OTUD7A: variants seen among roughly 807,000 people sequenced by gnomAD.
OTUD7A encodes OTU deubiquitinase 7A.
In OTUD7A, 12 loss-of-function variants were observed where a neutral mutation model predicts 65.7. The observed-to-expected ratio is 0.18, with a 90% CI of 0.12 to 0.30. OTUD7A has a LOEUF of 0.30. OTUD7A is among the 10% of genes least tolerant of loss of function. The pLI, the probability that OTUD7A is intolerant of heterozygous loss-of-function variation, is 1.00. For missense variants in OTUD7A, 1,148 were observed against 1,304.8 expected, an observed-to-expected ratio of 0.88 and a Z score of 1.85; for synonymous variants, 641 against 586.3, an observed-to-expected ratio of 1.09 and a Z score of -1.35.
At chr15:31,827,374 G>A (rs1424755456) in intron 1 of OTUD7A, among the ~76,000 whole-genome samples, 7 of 152,180 alleles carry the variant, frequency 4.6e-5, no homozygotes, top group African/African-American at 7.2e-5. Flanking sequence ...TTTGTGAGAC[G>A]TATTCACTAC....
chr15:31,563,478 G>A (rs535747510), intron 4 of OTUD7A, among the ~76,000 whole-genome samples: 328 of 152,340 alleles, frequency 2.2e-3, no homozygotes, highest in Middle Eastern at 3.4e-3. Flanking sequence ...AATCCTCAGG[G>A]GCAGGAGGTG....
chr15:31,826,158 G>T (rs575949908), intron 1 of OTUD7A, among the ~76,000 whole-genome samples: 1 of 152,352 alleles, frequency 6.6e-6, no homozygotes, highest in South Asian at 2.1e-4. Context: ...TCTGTGTGGG[G>T]CTCCGACCCC....
At chr15:31,611,547 A>G (rs1370870834) in intron 3 of OTUD7A, among the ~76,000 whole-genome samples, 1 of 152,214 alleles carries the variant, frequency 6.6e-6, no homozygotes, top group African/African-American at 2.4e-5. Context: ...CTCACATACT[A>G]GAAAACATAG....
At chr15:31,842,109 CATA>C (rs142013769) in intron 1 of OTUD7A, among the ~76,000 whole-genome samples, 2,061 of 152,338 alleles carry the variant, frequency 0.014, 43 homozygotes, top group African/African-American at 0.047. Context: ...ATCTCACACA[CATA>C]ATATTGAGTG....
At chr15:31,849,380 T>TAC (rs1232444953) in intron 1 of OTUD7A, among the ~76,000 whole-genome samples, 1 of 152,232 alleles carries the variant, frequency 6.6e-6, no homozygotes, top group African/African-American at 2.4e-5. Context: ...ATACCTTCCT[T>TAC]ACACCTTGTA....
chr15:31,858,971 G>T (rs963284709), intron 1 of OTUD7A, among the ~76,000 whole-genome samples: 1 of 152,206 alleles, frequency 6.6e-6, no homozygotes, highest in South Asian at 2.1e-4. Context: ...CTCCTCAACT[G>T]TAGAATGGGA....
intron 3 of OTUD7A, among the ~76,000 whole-genome samples, chr15:31,628,005 T>C (rs1891015809): frequency 6.6e-6 from 1 of 152,210 alleles, no homozygotes; most frequent in African/African-American, 2.4e-5. Context: ...CTTTGTCAGA[T>C]GAGTAGGTTG....
intron 3 of OTUD7A, among the ~76,000 whole-genome samples, chr15:31,591,716 C>T (rs1386278481): frequency 6.6e-6 from 1 of 152,234 alleles, no homozygotes; most frequent in Non-Finnish European, 1.5e-5. Context: ...TACATGCACA[C>T]TCACACACAA....
At chr15:31,486,892 C>CA (rs1355560575) in intron 12 of OTUD7A, among the ~76,000 whole-genome samples, 2 of 152,144 alleles carry the variant, frequency 1.3e-5, no homozygotes, top group Admixed American at 6.5e-5. Context: ...AATAGGGGGA[C>CA]AAAAAATCCC....
intron 1 of OTUD7A, among the ~76,000 whole-genome samples, chr15:31,783,493 T>C (rs1462338823): frequency 6.6e-6 from 1 of 152,218 alleles, no homozygotes; most frequent in Admixed American, 6.5e-5. Flanking sequence ...CTTCATATTC[T>C]TCACCATCAA....
At chr15:31,797,193 G>A (rs973411535) in intron 1 of OTUD7A, among the ~76,000 whole-genome samples, 8 of 152,270 alleles carry the variant, frequency 5.3e-5, no homozygotes, top group South Asian at 2.1e-4. Flanking sequence ...GGGAGCCCGC[G>A]CTGCCTCTGA....
chr15:31,541,491 C>G (rs1367975120), intron 5 of OTUD7A, among the ~76,000 whole-genome samples: 1 of 152,100 alleles, frequency 6.6e-6, no homozygotes, highest in African/African-American at 2.4e-5. Flanking sequence ...GGGCTGAAGG[C>G]TTTGTCTCTG....
chr15:31,573,722 G>A lies in OTUD7A; in HGVS notation c.152-3525C>T, dbSNP rs187624047. ...TTGAGACTAGCCTGGCCAACATGGC[G>A]AAACCCTGTCTCTACCAAAAATACA... On this transcript the variant is annotated intron_variant, in intron 3 of 12. Transcript: ENST00000307050. 4.2e-4 allele frequency among the ~76,000 whole-genome samples: 64 copies of A among 152,244 alleles called. No homozygotes were observed. In the South Asian group the frequency reaches 6.8e-3, roughly 16 times the overall value.
chr15:31,798,816 G>T (rs1283090401), intron 1 of OTUD7A, among the ~76,000 whole-genome samples: 3 of 152,226 alleles, frequency 2.0e-5, no homozygotes, highest in Non-Finnish European at 2.9e-5. Flanking sequence ...CAGCTTGGGG[G>T]GGGGCTCCTG....
In OTUD7A at chr15:31,481,441, A is replaced by G. The variant is rs761763102; in HGVS notation, c.*1853T>C. On this transcript the variant is annotated 3_prime_UTR_variant, in exon 13 of 13. Transcript: ENST00000307050. Reference sequence around the variant, plus strand: ...ACCCTCTCCATGAGATTTTTAAAAAACCACTTTTGTTTTCTGAGTAATAAA... The same window carrying G: ...ACCCTCTCCATGAGATTTTTAAAAAGCCACTTTTGTTTTCTGAGTAATAAA... 1.3e-5 allele frequency: 2 copies of G among 152,194 alleles called. No individual in the cohort carries two copies. Among genetic ancestry groups the G allele is most frequent in the African/African-American group, 2.4e-5 (1 of 41,442 alleles). The allele number at this position is 152,194 out of a possible 1,614,324, so 9.4% of individuals were successfully genotyped here.
intron 3 of OTUD7A, among the ~76,000 whole-genome samples, chr15:31,610,613 A>ATTTTTTTTTTTT (rs1228282525): frequency 9.5e-5 from 3 of 31,652 alleles, no homozygotes; most frequent in Admixed American, 4.8e-4. Flanking sequence ...ATATATATAT[A>ATTTTTTTTTTTT]TATATTTTTT....
intron 3 of OTUD7A, among the ~76,000 whole-genome samples, chr15:31,634,502 G>T (rs774885901): frequency 6.6e-6 from 1 of 152,144 alleles, no homozygotes. Context: ...GTGTTCTGCC[G>T]GGATGTTCTC....
intron 1 of OTUD7A, among the ~76,000 whole-genome samples, chr15:31,799,712 ACTCACT>A (rs1342982879): frequency 6.6e-6 from 1 of 151,868 alleles, no homozygotes; most frequent in Non-Finnish European, 1.5e-5. Flanking sequence ...TGCATATACC[ACTCACT>A]CTGTAGTACT....
At chr15:31,697,217 C>T (rs2141324069) in intron 1 of OTUD7A, among the ~76,000 whole-genome samples, 1 of 99,462 alleles carries the variant, frequency 1.0e-5, no homozygotes, top group African/African-American at 3.0e-5. Context: ...GAGTGGACTC[C>T]TCCCCTCCAC....
Sources: allele counts gnomAD v4.1 joint callset (sites outside exome capture counted in the v4.1 genomes callset), GRCh38; gene constraint gnomAD v4.1.1; transcripts MANE v1.5; gene names NCBI Gene and HGNC (gene_info 2026-07-23, HGNC 2026-07-21).